FHIP1A: variants seen among roughly 807,000 people sequenced by gnomAD.
FHIP1A encodes the protein FHF complex subunit HOOK-interacting protein 1A.
FHIP1A carries 61 observed loss-of-function variants against 88.6 expected under a neutral mutation model. That is an observed-to-expected ratio of 0.69 (90% CI 0.56 to 0.85). The LOEUF (loss-of-function observed/expected upper bound fraction) is 0.85. Ranked by LOEUF, FHIP1A falls within the 40% of genes least tolerant of loss-of-function variation. The pLI is 0.00. For synonymous variants in FHIP1A, 478 were observed against 496.0 expected (o/e 0.96, Z 0.48); for missense variants, 1,154 against 1,273.5 (o/e 0.91, Z 1.43).
chr4:151,423,779 A>G (rs542169428), intron 1 of FHIP1A, among the ~76,000 whole-genome samples: 2 of 152,226 alleles, frequency 1.3e-5, no homozygotes, highest in Non-Finnish European at 2.9e-5. Context: ...CACAAAAGGT[A>G]GTGACAAATG....
intron 3 of FHIP1A, among the ~76,000 whole-genome samples, chr4:151,548,061 C>T (rs1488252079): frequency 6.6e-6 from 1 of 152,068 alleles, no homozygotes; most frequent in African/African-American, 2.4e-5. Context: ...GTTTAATGTC[C>T]TGCTGAAGGT....
intron 9 of FHIP1A, among the ~76,000 whole-genome samples, chr4:151,639,737 G>C (rs1017648990): frequency 2.0e-5 from 3 of 152,166 alleles, no homozygotes; most frequent in Non-Finnish European, 4.4e-5. Flanking sequence ...TCCGAGTTGC[G>C]AGGGTTTGTG....
chr4:151,486,288 G>A (rs1730080039), intron 3 of FHIP1A, among the ~76,000 whole-genome samples: 2 of 152,114 alleles, frequency 1.3e-5, no homozygotes, highest in South Asian at 4.2e-4. Flanking sequence ...TATTGTGCAA[G>A]CCATTTATTT....
At chr4:151,553,160 T>C (rs377280738) in intron 3 of FHIP1A, among the ~76,000 whole-genome samples, 61 of 152,308 alleles carry the variant, frequency 4.0e-4, no homozygotes, top group East Asian at 2.5e-3. Context: ...AGGAGTCAAA[T>C]TGCAGAATCT....
intron 1 of FHIP1A, among the ~76,000 whole-genome samples, chr4:151,440,814 A>T (rs1261302609): frequency 1.3e-5 from 2 of 152,290 alleles, no homozygotes; most frequent in African/African-American, 4.8e-5. Flanking sequence ...TGTTAGTTCC[A>T]TTGGAGATTC....
chr4:151,658,498 G>T (rs1210947290), intron 13 of FHIP1A, among the ~76,000 whole-genome samples: 2 of 152,190 alleles, frequency 1.3e-5, no homozygotes, highest in Non-Finnish European at 2.9e-5. Flanking sequence ...AGCCCAGGCT[G>T]GTCCATGTCA....
chr4:151,464,233 G>A (rs1231319202), intron 2 of FHIP1A, among the ~76,000 whole-genome samples: 1 of 152,088 alleles, frequency 6.6e-6, no homozygotes, highest in Non-Finnish European at 1.5e-5. Context: ...AGTGATTGTT[G>A]TATTATAATA....
intron 4 of FHIP1A, among the ~76,000 whole-genome samples, chr4:151,568,238 C>T (rs117817159): frequency 1.3e-5 from 2 of 152,278 alleles, no homozygotes; most frequent in East Asian, 3.9e-4. Context: ...AGTACAGATA[C>T]ATAGTACTCT....
rs370374898 is a variant in FHIP1A at position 151,411,343 on chromosome 4, A to ATTCTTTTTTTTTTTTTTTTTTTTTT, written c.-356+1879_-356+1880insTCTTTTTTTTTTTTTTTTTTTTTTT. ...AATTGCCTCTGAGGAGTGAAATTAT[A>ATTCTTTTTTTTTTTTTTTTTTTTTT]TATATATTTTTTTTTTTTTAAAGTT... On this transcript the variant is annotated intron_variant, in intron 1 of 13. Transcript: ENST00000435205. 2.7e-5 allele frequency among the ~76,000 whole-genome samples: 3 copies of ATTCTTTTTTTTTTTTTTTTTTTTTT among 112,178 alleles called. 1 individual carries two copies. The highest frequency in any genetic ancestry group is 3.7e-5 in the African/African-American group (1 of 27,366). The allele number at this position is 112,178 out of a possible 152,430, so 73.6% of individuals were successfully genotyped here.
At chr4:151,452,935 C>CAT (rs1303243259) in intron 1 of FHIP1A, among the ~76,000 whole-genome samples, 1 of 105,064 alleles carries the variant, frequency 9.5e-6, no homozygotes, top group African/African-American at 3.9e-5. Flanking sequence ...GACATTGAAA[C>CAT]GTATATATAT....
At chr4:151,510,203 C>G (rs1161460501) in intron 3 of FHIP1A, among the ~76,000 whole-genome samples, 1 of 151,998 alleles carries the variant, frequency 6.6e-6, no homozygotes, top group Non-Finnish European at 1.5e-5. Context: ...CTCCTGGGTT[C>G]AGGTGATCCT....
At chr4:151,463,868 A>AT (rs1052460084) in intron 2 of FHIP1A, among the ~76,000 whole-genome samples, 2 of 151,996 alleles carry the variant, frequency 1.3e-5, no homozygotes, top group African/African-American at 4.8e-5. Context: ...GAGTTTTTCT[A>AT]TTTTTTACAT....
rs76668883 is a variant in FHIP1A at position 151,451,708 on chromosome 4, C to G, written c.-355-2993C>G. On this transcript the variant is annotated intron_variant, in intron 1 of 13. Transcript: ENST00000435205. Reference sequence around the variant, plus strand: ...GCAGGGGACACATGAATTTAAAGCTCTATTTCCAGTAAATTTTTTTCAAAT... The same window carrying G: ...GCAGGGGACACATGAATTTAAAGCTGTATTTCCAGTAAATTTTTTTCAAAT... Among the ~76,000 whole-genome samples, 17 of 152,142 alleles carry G rather than the reference C, an allele frequency of 1.1e-4. No individual in the cohort carries two copies. The East Asian group carries it at 3.3e-3, about 29-fold the overall frequency.
intron 1 of FHIP1A, among the ~76,000 whole-genome samples, chr4:151,424,032 C>T (rs985873182): frequency 4.6e-5 from 7 of 152,092 alleles, no homozygotes; most frequent in South Asian, 2.1e-4. Flanking sequence ...GAAGCCAGAA[C>T]GGGGAACTCC....
intron 3 of FHIP1A, among the ~76,000 whole-genome samples, chr4:151,533,476 C>T (rs977300538): frequency 7.9e-5 from 12 of 152,156 alleles, no homozygotes; most frequent in African/African-American, 2.4e-4. Flanking sequence ...CATTGTAACA[C>T]ATAATTGTGA....
chr4:151,424,434 G>C (rs1321560802), intron 1 of FHIP1A, among the ~76,000 whole-genome samples: 1 of 152,160 alleles, frequency 6.6e-6, no homozygotes, highest in Non-Finnish European at 1.5e-5. Context: ...TAGGGAGAAA[G>C]GCAGGACCTT....
intron 5 of FHIP1A, 71 bp from the exon 6 acceptor site, chr4:151,586,570 A>G: frequency 8.0e-7 from 1 of 1,251,216 alleles, no homozygotes; most frequent in South Asian, 1.5e-5. Context: ...CATTGGCATC[A>G]CCTGTGAGCT....
chr4:151,519,443 T>G (rs541918944), intron 3 of FHIP1A, among the ~76,000 whole-genome samples: 1 of 152,298 alleles, frequency 6.6e-6, no homozygotes, highest in Non-Finnish European at 1.5e-5. Context: ...TGAGTACTAT[T>G]TCATTGTATG....
At position 151,646,758 on chromosome 4, in the gene FHIP1A, C is replaced by A; in HGVS notation, c.1417+10C>A. ...ATGCATGACACTTCAGGTAGGAACT[C>A]GCTAGTGATGATCTTTAAACAAAAG... On this transcript the variant is annotated intron_variant, in intron 10 of 13. Coordinates refer to ENST00000435205, the MANE Select transcript of FHIP1A (RefSeq NM_001109977.3). 6.5e-7 allele frequency: 1 copy of A among 1,527,804 alleles called. No homozygotes were observed. Among genetic ancestry groups the A allele is most frequent in the Non-Finnish European group, 8.9e-7 (1 of 1,129,338 alleles). 94.6% of individuals were successfully genotyped at this position (1,527,804 alleles called of 1,614,324 possible).
Sources: gnomAD v4.1 joint callset for allele counts (sites outside exome capture counted in the v4.1 genomes callset) on GRCh38, gnomAD v4.1.1 for gene constraint, MANE v1.5 for transcripts, NCBI Gene and HGNC (gene_info 2026-07-23, HGNC 2026-07-21) for gene names.